Variants in PANK1 observed in about 807,000 individuals in gnomAD.
The protein encoded by PANK1 is pantothenate kinase 1, also known as pantothenic acid kinase 1.
Under a neutral mutation model 40.1 loss-of-function variants are expected in PANK1, and 18 were observed. The ratio of observed to expected loss-of-function variants is 0.45; its 90% CI spans 0.31 to 0.67. PANK1 has a LOEUF of 0.67. Among genes scored for constraint, PANK1 ranks in the 30% least tolerant of loss-of-function variants. PANK1 has a pLI of 0.06. For synonymous variants in PANK1, 242 were observed against 237.7 expected (o/e 1.02, Z -0.17); for missense variants, 457 against 599.6 (o/e 0.76, Z 2.48).
intron 1 of PANK1, among the ~76,000 whole-genome samples, chr10:89,628,091 A>G (rs1225890673): frequency 6.6e-6 from 1 of 152,236 alleles, no homozygotes; most frequent in African/African-American, 2.4e-5. Context: ...GAAATGCTAA[A>G]TAGTACAGTC....
intron 5 of PANK1, among the ~76,000 whole-genome samples, chr10:89,590,951 G>A (rs1844364050): frequency 6.6e-6 from 1 of 152,114 alleles, no homozygotes; most frequent in Non-Finnish European, 1.5e-5. Context: ...GAGAAAGCAT[G>A]TGTTGTGAAG....
At chr10:89,609,693 C>A (rs368186448) in intron 2 of PANK1, among the ~76,000 whole-genome samples, 2 of 152,212 alleles carry the variant, frequency 1.3e-5, no homozygotes, top group Admixed American at 6.5e-5. Context: ...CCTGGCCAGA[C>A]TATTTAGCAA....
downstream of PANK1, chr10:89,581,147 T>G (rs1235298610): frequency 6.6e-6 from 1 of 151,874 alleles, no homozygotes; most frequent in Middle Eastern, 3.1e-3. Flanking sequence ...ACTTGATGAC[T>G]GATGTTGGCT....
intron 1 of PANK1, among the ~76,000 whole-genome samples, chr10:89,642,384 C>T (rs1212130772): frequency 1.1e-4 from 16 of 152,224 alleles, no homozygotes; most frequent in Non-Finnish European, 1.5e-5. Context: ...TCTTAACACA[C>T]ATCTTGTTGG....
chr10:89,618,691 A>C (rs1845392115), intron 1 of PANK1, among the ~76,000 whole-genome samples: 2 of 152,198 alleles, frequency 1.3e-5, no homozygotes, highest in African/African-American at 4.8e-5. Flanking sequence ...CTGGCTGGTA[A>C]GTTGTGAATG....
chr10:89,643,345 A>C (rs1045879443), intron 1 of PANK1, among the ~76,000 whole-genome samples: 4 of 152,230 alleles, frequency 2.6e-5, no homozygotes, highest in African/African-American at 9.6e-5. Flanking sequence ...AGCAAATAAA[A>C]ATTCAGGTGC....
chr10:89,601,215 C>T (rs1844772315), intron 2 of PANK1, among the ~76,000 whole-genome samples: 2 of 150,532 alleles, frequency 1.3e-5, no homozygotes, highest in East Asian at 2.0e-4. Context: ...TAGTTCACAC[C>T]TGTAATTCCA....
intron 1 of PANK1, among the ~76,000 whole-genome samples, chr10:89,643,219 T>A (rs750499191): frequency 2.0e-5 from 3 of 152,242 alleles, no homozygotes; most frequent in Non-Finnish European, 4.4e-5. Flanking sequence ...ATAACTGAAG[T>A]ATAGCTTCAA....
rs764577053 is a variant in PANK1 at position 89,593,846 on chromosome 10, C to T, written c.1043G>A (p.Arg348Gln). The T allele has an allele frequency of 3.1e-6, 5 of 1,613,772 alleles. No homozygotes were observed. The highest frequency in any genetic ancestry group is 2.2e-5 in the East Asian group (1 of 44,892). ...VKDIYGGDYE[R>Q]FGLQGSAVAS... is the part of the protein sequence containing the mutation. ...TACAGCAGATCCTTGAAGGCCAAAT[C>T]GTTCATAGTCTCCTCCGTAAATGTC... Residue 348 changes from arginine to glutamine, a missense_variant, in exon 4 of 7, where the codon CGA becomes CAA. Coordinates refer to ENST00000307534, the MANE Select transcript of PANK1 (RefSeq NM_148977.3).
chr10:89,625,259 T>C (rs901709547), intron 1 of PANK1, among the ~76,000 whole-genome samples: 24 of 152,208 alleles, frequency 1.6e-4, no homozygotes, highest in African/African-American at 5.8e-4. Context: ...TGCTTGAAAC[T>C]GAGCACAGAA....
At chr10:89,590,839 T>C (rs990485896) in intron 5 of PANK1, among the ~76,000 whole-genome samples, 1 of 152,068 alleles carries the variant, frequency 6.6e-6, no homozygotes, top group Non-Finnish European at 1.5e-5. Flanking sequence ...TTAAAATATA[T>C]AGGGTAGATT....
intron 1 of PANK1, 43 bp downstream of exon 1, chr10:89,644,557 T>G (rs1397171531): frequency 1.3e-6 from 2 of 1,542,404 alleles, no homozygotes; most frequent in Non-Finnish European, 1.7e-6. Flanking sequence ...CCCCGCACGC[T>G]GCGTCTGCCT....
At chr10:89,614,814 A>G (rs1259686157) in intron 1 of PANK1, among the ~76,000 whole-genome samples, 1 of 152,078 alleles carries the variant, frequency 6.6e-6, no homozygotes, top group East Asian at 1.9e-4. Context: ...AAAAAGAGTG[A>G]AATGTATTCC....
chr10:89,592,982 T>G (rs980828120), intron 5 of PANK1, among the ~76,000 whole-genome samples: 2 of 152,190 alleles, frequency 1.3e-5, no homozygotes, highest in Non-Finnish European at 2.9e-5. Flanking sequence ...AGGTGAATGG[T>G]TTATCATTCA....
intron 1 of PANK1, among the ~76,000 whole-genome samples, chr10:89,634,873 A>C (rs1564637904): frequency 6.6e-6 from 1 of 152,212 alleles, no homozygotes; most frequent in Non-Finnish European, 1.5e-5. Flanking sequence ...AATCTATGAT[A>C]ATCAGGTCAA....
At chr10:89,604,131 T>C (rs1020761108) in intron 2 of PANK1, among the ~76,000 whole-genome samples, 3 of 152,208 alleles carry the variant, frequency 2.0e-5, no homozygotes, top group African/African-American at 7.2e-5. Context: ...CAGAAACCTC[T>C]TTCTGTTGCC....
At chr10:89,629,772 T>G (rs761456548) in intron 1 of PANK1, among the ~76,000 whole-genome samples, 1 of 152,220 alleles carries the variant, frequency 6.6e-6, no homozygotes, top group African/African-American at 2.4e-5. Context: ...GAAGAAAAGT[T>G]TGATTCAGAG....
At chr10:89,631,756 TAAAC>T (rs1322449660) in intron 1 of PANK1, among the ~76,000 whole-genome samples, 2 of 152,176 alleles carry the variant, frequency 1.3e-5, no homozygotes, top group Non-Finnish European at 2.9e-5. Flanking sequence ...AAATTAATCA[TAAAC>T]AAACAATAAC....
At chr10:89,588,363 T>C (rs933394519) in intron 6 of PANK1, among the ~76,000 whole-genome samples, 21 of 152,174 alleles carry the variant, frequency 1.4e-4, no homozygotes, top group African/African-American at 4.6e-4. Context: ...ATATGGTAAT[T>C]TTATTTTTAG....
Sources: allele counts gnomAD v4.1 joint callset (sites outside exome capture counted in the v4.1 genomes callset), GRCh38; gene constraint gnomAD v4.1.1; transcripts MANE v1.5; gene names NCBI Gene and HGNC (gene_info 2026-07-23, HGNC 2026-07-21).